Variants in EHD1 observed in about 807,000 individuals in gnomAD.
EHD1 encodes EH domain containing 1, also known as EH domain-containing protein 1.
A neutral mutation model predicts 39.0 loss-of-function variants in EHD1; 19 were observed. The observed-to-expected ratio is 0.49, with a 90% CI of 0.34 to 0.72. The LOEUF (loss-of-function observed/expected upper bound fraction) is 0.72, where lower values mean the gene tolerates loss of function less well. Ranked by LOEUF, EHD1 falls within the 30% of genes least tolerant of loss-of-function variation. EHD1 has a pLI of 0.01. For missense variants in EHD1, 542 were observed against 751.5 expected (o/e 0.72, Z 3.26); for synonymous variants, 323 against 331.2 (o/e 0.98, Z 0.27).
intron 1 of EHD1, 159 bp downstream of exon 1, chr11:64,877,902 G>C: frequency 1.4e-6 from 1 of 694,628 alleles, no homozygotes; most frequent in African/African-American, 1.8e-5. Flanking sequence ...GTTTACTCTG[G>C]GAAGGGGCAG....
In EHD1 at chr11:64,853,941, G is replaced by C. The variant is rs113936495; in HGVS notation, c.*392C>G. ...GAGGGTGCCTGGTGTTCCTGTCCAT[G>C]CAGCCTCAGCCTAGCAGCTGCCAAA... On this transcript the variant is annotated 3_prime_UTR_variant, in exon 5 of 5. Coordinates refer to ENST00000320631, the MANE Select transcript of EHD1 (RefSeq NM_006795.4). 41 of 235,992 alleles carry C rather than the reference G, an allele frequency of 1.7e-4. No homozygotes were observed. The highest frequency in any genetic ancestry group is 1.6e-3 in the Middle Eastern group (1 of 612). The allele number at this position is 235,992 out of a possible 1,614,324, so 14.6% of individuals were successfully genotyped here.
intron 3 of EHD1, among the ~76,000 whole-genome samples, chr11:64,858,241 G>A (rs1943675831): frequency 6.7e-6 from 1 of 148,976 alleles, no homozygotes; most frequent in Non-Finnish European, 1.5e-5. Context: ...GAGTGCAGTG[G>A]TGTGATCTCA....
intron 2 of EHD1, among the ~76,000 whole-genome samples, chr11:64,864,624 G>A (rs1246961313): frequency 1.3e-5 from 2 of 152,248 alleles, no homozygotes; most frequent in Middle Eastern, 3.2e-3. Context: ...CTGAAAAGGC[G>A]ATGACTCAAG....
At position 64,854,220 on chromosome 11, in the gene EHD1, C is replaced by T. The variant is rs569201757; in HGVS notation, c.*113G>A. ...GATGGTGGTTTTCCTTTTCGAGAGG[C>T]GAGGAAACATCCGCTCAGTCTTTAT... On this transcript the variant is annotated 3_prime_UTR_variant, in exon 5 of 5. Transcript: ENST00000320631. 13 of 1,432,946 alleles carry T rather than the reference C, an allele frequency of 9.1e-6. No homozygotes were observed. Among genetic ancestry groups the T allele is most frequent in the East Asian group, 5.0e-5 (2 of 40,048 alleles). 88.8% of individuals were successfully genotyped at this position (1,432,946 alleles called of 1,614,324 possible).
chr11:64,860,604 G>A (rs868493238), intron 2 of EHD1, among the ~76,000 whole-genome samples: 8 of 151,486 alleles, frequency 5.3e-5, no homozygotes, highest in African/African-American at 1.2e-4. Flanking sequence ...AGGGTGGCGC[G>A]AGCACTCAGG....
chr11:64,870,701 T>G (rs1396952038), intron 2 of EHD1, among the ~76,000 whole-genome samples: 2 of 152,138 alleles, frequency 1.3e-5, no homozygotes, highest in Non-Finnish European at 2.9e-5. Flanking sequence ...GGGGGATGAC[T>G]CGGCATGAGG....
At chr11:64,878,804 G>C (rs192404588), upstream of EHD1, 2 of 1,197,270 alleles carry the variant, frequency 1.7e-6, no homozygotes, top group Non-Finnish European at 2.1e-6. Context: ...AATCTCGCGA[G>C]GCTGTGGTCC....
rs576114454 is a variant in EHD1, at chr11:64,861,117, C to T, written c.503-781G>A. Among the ~76,000 whole-genome samples, 39 of 150,970 alleles carry T rather than the reference C, an allele frequency of 2.6e-4. No individual in the cohort carries two copies. The East Asian group carries it at 7.6e-3, about 29-fold the overall frequency. On this transcript the variant is annotated intron_variant, in intron 2 of 4. Transcript: ENST00000320631. ...AGGAGAACTGCTTGAAACCAGGAGG[C>T]AGAGGTTGCAGTGAGCCGAGATTGT...
chr11:64,865,206 C>T (rs1382236593), intron 2 of EHD1, among the ~76,000 whole-genome samples: 3 of 152,274 alleles, frequency 2.0e-5, no homozygotes, highest in Admixed American at 6.5e-5. Context: ...GCAGTGACCA[C>T]GTAACTGCAC....
At chr11:64,858,229 T>G (rs1342126380) in intron 3 of EHD1, among the ~76,000 whole-genome samples, 2 of 150,502 alleles carry the variant, frequency 1.3e-5, no homozygotes, top group African/African-American at 4.9e-5. Flanking sequence ...CCACCTGGGA[T>G]GGAGTGCAGT....
chr11:64,863,520 G>A (rs1446657335), intron 2 of EHD1, among the ~76,000 whole-genome samples: 1 of 152,224 alleles, frequency 6.6e-6, no homozygotes, highest in African/African-American at 2.4e-5. Flanking sequence ...CAGGACAAAG[G>A]CAGGTCCACA....
At chr11:64,862,617 G>A (rs761287475) in intron 2 of EHD1, among the ~76,000 whole-genome samples, 1 of 152,192 alleles carries the variant, frequency 6.6e-6, no homozygotes, top group Non-Finnish European at 1.5e-5. Flanking sequence ...CAGCGGTTTT[G>A]AATCCTATAT....
At chr11:64,859,527 A>G (rs1484677113) in intron 3 of EHD1, 5 of 166,702 alleles carry the variant, frequency 3.0e-5, no homozygotes, top group Non-Finnish European at 6.5e-5. Context: ...TTCAAAAACA[A>G]AAACAAAAAC....
At chr11:64,861,820 C>T (rs1326118231) in intron 2 of EHD1, among the ~76,000 whole-genome samples, 2 of 152,254 alleles carry the variant, frequency 1.3e-5, no homozygotes, top group East Asian at 3.9e-4. Context: ...AACCACTTCC[C>T]CTTCCTGGGT....
rs557857448 is a variant in EHD1, at chr11:64,871,962, T to C, written c.502+2459A>G. Among the ~76,000 whole-genome samples the C allele has an allele frequency of 3.9e-5, 6 of 152,338 alleles. No individual in the cohort carries two copies. The South Asian group carries it at 1.2e-3, about 32-fold the overall frequency. Reference sequence around the variant, plus strand: ...TGCTGTGTCTGCAGATCCACTGATATGGAGCATACACTTTGGTGCTTGTCC... The same window carrying C: ...TGCTGTGTCTGCAGATCCACTGATACGGAGCATACACTTTGGTGCTTGTCC... On this transcript the variant is annotated intron_variant, in intron 2 of 4. Transcript: ENST00000320631.
chr11:64,879,037 G>T, upstream of EHD1: 1 of 997,194 alleles, frequency 1.0e-6, no homozygotes, highest in South Asian at 4.4e-5. Context: ...CGTTCGCCAC[G>T]TGCGGTCCTC....
rs1451583131 is a variant in EHD1 at position 64,878,384 on chromosome 11, C to T, written c.81G>A (p.Gln27=). Residue 27 remains glutamine (Q), a synonymous_variant, in exon 1 of 5, where the codon CAG becomes CAA. Transcript: ENST00000320631. ...LFQTVAEGLR[Q]LYAQKLLPLE... ...GGGGTAGCAGCTTCTGCGCGTACAGCTGCCGCAGCCCCTCAGCCACCGTCT... is the reference window on the plus strand; with the variant it reads ...GGGGTAGCAGCTTCTGCGCGTACAGTTGCCGCAGCCCCTCAGCCACCGTCT... 6.2e-7 allele frequency: 1 copy of T among 1,613,866 alleles called. No homozygotes were observed. The highest frequency in any genetic ancestry group is 8.5e-7 in the Non-Finnish European group (1 of 1,180,024).
chr11:64,877,470 C>A (rs1943896966), intron 1 of EHD1, among the ~76,000 whole-genome samples: 1 of 152,192 alleles, frequency 6.6e-6, no homozygotes, highest in South Asian at 2.1e-4. Flanking sequence ...TTGAGAGCTG[C>A]CATTGGGAGA....
In EHD1 at chr11:64,854,076, G is replaced by T; in HGVS notation, c.*257C>A. On this transcript the variant is annotated 3_prime_UTR_variant, in exon 5 of 5. Transcript: ENST00000320631. ...CACAGGGCTGGCACACAGGGGAGGC[G>T]GCGACAAAGAACGCAGCCTCTAACG... The T allele has an allele frequency of 1.6e-6, 1 of 616,034 alleles. No individual in the cohort carries two copies. Among genetic ancestry groups the T allele is most frequent in the Non-Finnish European group, 2.7e-6 (1 of 368,154 alleles). 38.2% of individuals were successfully genotyped at this position (616,034 alleles called of 1,614,324 possible).
Sources: allele counts gnomAD v4.1 joint callset (sites outside exome capture counted in the v4.1 genomes callset), GRCh38; gene constraint gnomAD v4.1.1; transcripts MANE v1.5; gene names NCBI Gene and HGNC (gene_info 2026-07-23, HGNC 2026-07-21).